ROBO2: variants seen among roughly 807,000 people sequenced by gnomAD.
ROBO2 encodes the protein roundabout guidance receptor 2, also known as roundabout homolog 2.
Under a neutral mutation model 160.8 loss-of-function variants are expected in ROBO2, and 53 were observed. The ratio of observed to expected loss-of-function variants is 0.33; its 90% CI spans 0.26 to 0.41. The LOEUF is 0.41. Ranked by LOEUF, ROBO2 falls within the 10% of genes least tolerant of loss-of-function variation. ROBO2 has a pLI of 1.00. For missense variants in ROBO2, 1,577 were observed against 1,722.4 expected, an observed-to-expected ratio of 0.92 and a Z score of 1.49; for synonymous variants, 664 against 611.7, an observed-to-expected ratio of 1.09 and a Z score of -1.26.
rs928359598 is a variant in ROBO2, at chr3:76,235,145, A to G, written c.109+297543A>G. The stretch of plus-strand genomic sequence containing the variant: ...GAGTCCTCCCTCACAGTAGTTGTGA[A>G]TGTGACTTATTTGGCATTGAGGTGC... On this transcript the variant is annotated intron_variant, in intron 2 of 26. Coordinates refer to the ROBO2 transcript ENST00000487694. Among the ~76,000 whole-genome samples the G allele has an allele frequency of 2.6e-5, 4 of 152,170 alleles. No individual in the cohort carries two copies. The East Asian group carries it at 5.8e-4, about 22-fold the overall frequency.
chr3:77,297,355 T>A (rs1314245378), intron 2 of ROBO2, among the ~76,000 whole-genome samples: 1 of 152,144 alleles, frequency 6.6e-6, no homozygotes, highest in Admixed American at 6.6e-5. Flanking sequence ...ATAAATCTTT[T>A]TGGATTTAAT....
chr3:77,200,627 G>A (rs1161474024), intron 2 of ROBO2, among the ~76,000 whole-genome samples: 1 of 151,814 alleles, frequency 6.6e-6, no homozygotes, highest in Non-Finnish European at 1.5e-5. Flanking sequence ...TCTTTCCATT[G>A]TAAAGCTTTA....
chr3:77,531,746 C>A (rs2091745761), intron 6 of ROBO2, among the ~76,000 whole-genome samples: 1 of 151,932 alleles, frequency 6.6e-6, no homozygotes, highest in Non-Finnish European at 1.5e-5. Flanking sequence ...ATGTATGAAC[C>A]TTTTCATGTT....
chr3:77,622,322 C>A (rs2094918983), exon 23 of ROBO2: 1 of 1,614,024 alleles, frequency 6.2e-7, no homozygotes, highest in African/African-American at 1.3e-5. Context: ...ACGGATGTTG[C>A]AGATGATGAT....
intron 2 of ROBO2, among the ~76,000 whole-genome samples, chr3:76,075,489 G>A (rs2068617408): frequency 7.5e-6 from 1 of 133,982 alleles, no homozygotes; most frequent in African/African-American, 2.9e-5. Context: ...TTTTTTGCTA[G>A]GGTTCCTGTT....
At chr3:77,237,411 T>TTGTGTGTGTGTGTGTGTGTGTG (rs71104662) in intron 2 of ROBO2, among the ~76,000 whole-genome samples, 60 of 131,116 alleles carry the variant, frequency 4.6e-4, no homozygotes, top group Non-Finnish European at 6.9e-4. Context: ...TTGTTTTGTT[T>TTGTGTGTGTGTGTGTGTGTGTG]TGTGTGTGTG....
At chr3:77,335,620 T>C (rs2153446984) in intron 2 of ROBO2, among the ~76,000 whole-genome samples, 1 of 152,300 alleles carries the variant, frequency 6.6e-6, no homozygotes, top group African/African-American at 2.4e-5. Flanking sequence ...TATCCCCTAC[T>C]TGGGTCTGCA....
intron 2 of ROBO2, among the ~76,000 whole-genome samples, chr3:76,634,553 G>A (rs1031578376): frequency 1.4e-5 from 2 of 147,246 alleles, no homozygotes; most frequent in African/African-American, 5.0e-5. Flanking sequence ...GGGCAACAAA[G>A]TGAGACTTCG....
At chr3:76,524,389 AG>A (rs2081813275) in intron 2 of ROBO2, among the ~76,000 whole-genome samples, 1 of 151,994 alleles carries the variant, frequency 6.6e-6, no homozygotes, top group Non-Finnish European at 1.5e-5. Flanking sequence ...CTCCCAAGGC[AG>A]GTATTTGATA....
chr3:76,238,183 T>C (rs1187745524), intron 2 of ROBO2, among the ~76,000 whole-genome samples: 2 of 152,172 alleles, frequency 1.3e-5, no homozygotes, highest in South Asian at 2.1e-4. Flanking sequence ...ACTGTGTTAG[T>C]CTGTTTTCAC....
intron 2 of ROBO2, among the ~76,000 whole-genome samples, chr3:76,454,047 T>C (rs1337877837): frequency 6.6e-6 from 1 of 152,158 alleles, no homozygotes; most frequent in Non-Finnish European, 1.5e-5. Context: ...GACACTAAAA[T>C]TGATGCAGAA....
Position 76,301,704 on chromosome 3 carries a change from C to T in ROBO2, c.109+364102C>T, listed in dbSNP as rs907109799. 4.6e-5 allele frequency among the ~76,000 whole-genome samples: 7 copies of T among 152,152 alleles called. No homozygotes were observed. In the South Asian group the frequency reaches 1.5e-3, roughly 32 times the overall value. ...TATGTCAGAGACTGCTAGTTTCCCCCCAAAATGTATTCTCGTTTTCTCTCA... is the reference window on the plus strand; with the variant it reads ...TATGTCAGAGACTGCTAGTTTCCCCTCAAAATGTATTCTCGTTTTCTCTCA... On this transcript the variant is annotated intron_variant, in intron 2 of 26. Coordinates refer to the ROBO2 transcript ENST00000487694.
At chr3:76,711,484 A>T (rs2093293042) in intron 2 of ROBO2, among the ~76,000 whole-genome samples, 1 of 152,160 alleles carries the variant, frequency 6.6e-6, no homozygotes, top group South Asian at 2.1e-4. Flanking sequence ...TGTAATTCAG[A>T]TTCCCGTCTT....
intron 2 of ROBO2, among the ~76,000 whole-genome samples, chr3:76,325,419 A>G (rs2072930072): frequency 6.6e-6 from 1 of 152,216 alleles, no homozygotes; most frequent in Non-Finnish European, 1.5e-5. Context: ...AAGTCTGATT[A>G]TAGCATTATT....
chr3:76,332,402 C>T (rs765244004), intron 2 of ROBO2, among the ~76,000 whole-genome samples: 4 of 152,062 alleles, frequency 2.6e-5, no homozygotes, highest in Admixed American at 1.3e-4. Context: ...AATATAATTT[C>T]GTCAAAAATT....
chr3:76,115,090 T>C (rs1239035963), intron 2 of ROBO2, among the ~76,000 whole-genome samples: 7 of 152,140 alleles, frequency 4.6e-5, no homozygotes, highest in Non-Finnish European at 1.0e-4. Flanking sequence ...GATGTTCTTA[T>C]GGTTAGAACT....
intron 2 of ROBO2, among the ~76,000 whole-genome samples, chr3:76,977,851 A>G (rs914238165): frequency 6.6e-6 from 1 of 152,208 alleles, no homozygotes; most frequent in Non-Finnish European, 1.5e-5. Flanking sequence ...TGGGAAAATC[A>G]TCTGTAAATT....
intron 2 of ROBO2, among the ~76,000 whole-genome samples, chr3:76,493,364 T>TATATATATATATATATATATATATATAA (rs1491215318): frequency 2.2e-5 from 3 of 136,768 alleles, no homozygotes; most frequent in African/African-American, 5.4e-5. Flanking sequence ...TATATATATA[T>TATATATATATATATATATATATATATAA]AATTGTATAT....
intron 2 of ROBO2, among the ~76,000 whole-genome samples, chr3:76,826,934 A>C (rs541269970): frequency 2.6e-5 from 4 of 152,320 alleles, no homozygotes; most frequent in African/African-American, 9.6e-5. Context: ...TGTAAATGGA[A>C]AGGCTGGAAT....
Sources: gnomAD v4.1 joint callset for allele counts (sites outside exome capture counted in the v4.1 genomes callset) on GRCh38, gnomAD v4.1.1 for gene constraint, MANE v1.5 for transcripts, NCBI Gene and HGNC (gene_info 2026-07-23, HGNC 2026-07-21) for gene names.